SDK1: variants seen among roughly 807,000 people sequenced by gnomAD.
The protein encoded by SDK1 is protein sidekick-1.
SDK1 carries 157 observed loss-of-function variants against 245.5 expected under a neutral mutation model. The ratio of observed to expected loss-of-function variants is 0.64; its 90% CI spans 0.56 to 0.73. SDK1 has a LOEUF of 0.73. Ranked by LOEUF, SDK1 falls within the 30% of genes least tolerant of loss-of-function variation. The pLI is 0.00. For missense variants in SDK1, 3,583 were observed against 3,002.3 expected (o/e 1.19, Z -4.52); for synonymous variants, 1,647 against 1,278.5 (o/e 1.29, Z -6.15).
chr7:4,083,552 C>CCCTCCCTT (rs1410143876), intron 22 of SDK1, among the ~76,000 whole-genome samples: 2 of 116,670 alleles, frequency 1.7e-5, no homozygotes, highest in East Asian at 2.8e-4. Context: ...CTCCCTCCCT[C>CCCTCCCTT]CCTCCCTTCC....
intron 1 of SDK1, among the ~76,000 whole-genome samples, chr7:3,316,067 A>T (rs941733837): frequency 3.3e-5 from 5 of 152,186 alleles, no homozygotes; most frequent in African/African-American, 1.2e-4. Context: ...CAATTCATAC[A>T]TTCAAGTTAA....
At chr7:3,485,737 A>C (rs1272416710) in intron 1 of SDK1, among the ~76,000 whole-genome samples, 1 of 104,926 alleles carries the variant, frequency 9.5e-6, no homozygotes, top group Non-Finnish European at 1.8e-5. Context: ...CTCTCTGGTA[A>C]TTTTTAAACT....
At chr7:3,880,447 C>G (rs994188726) in intron 5 of SDK1, among the ~76,000 whole-genome samples, 1 of 151,376 alleles carries the variant, frequency 6.6e-6, no homozygotes, top group Admixed American at 6.6e-5. Flanking sequence ...GCCCGGCCCG[C>G]GGCGCCAACA....
intron 4 of SDK1, among the ~76,000 whole-genome samples, chr7:3,758,505 C>G (rs1045960420): frequency 6.6e-6 from 1 of 152,164 alleles, no homozygotes; most frequent in African/African-American, 2.4e-5. Context: ...TAATGCGAAA[C>G]TGTAATTATT....
At chr7:3,889,759 C>T (rs574335177) in intron 5 of SDK1, among the ~76,000 whole-genome samples, 56 of 152,282 alleles carry the variant, frequency 3.7e-4, no homozygotes, top group Middle Eastern at 3.4e-3. Flanking sequence ...CCACCCTCCT[C>T]GACCTCCCAA....
At chr7:4,162,300 C>G (rs928423930) in intron 32 of SDK1, among the ~76,000 whole-genome samples, 1 of 152,054 alleles carries the variant, frequency 6.6e-6, no homozygotes, top group Non-Finnish European at 1.5e-5. Flanking sequence ...GACAAAATAT[C>G]TACCGGATTG....
At position 4,267,333 on chromosome 7, in the gene SDK1, C is replaced by G. The variant is rs894960086; in HGVS notation, c.*1949C>G. The G allele has an allele frequency of 1.0e-6, 1 of 954,072 alleles. No individual in the cohort carries two copies. Among genetic ancestry groups the G allele is most frequent in the Non-Finnish European group, 1.2e-6 (1 of 802,090 alleles). 59.1% of individuals were successfully genotyped at this position (954,072 alleles called of 1,614,324 possible). ...TTCCCTCCCTCCCTTCCTCTCTCCC[C>G]TATTCCTTCTTCCTTTTCTCCTCCT... On this transcript the variant is annotated 3_prime_UTR_variant, in exon 45 of 45. Transcript: ENST00000404826.
rs1169811122 is a variant in SDK1 at position 3,949,811 on chromosome 7, C to T, written c.848-1112C>T. Among the ~76,000 whole-genome samples, 6 of 152,242 alleles carry T rather than the reference C, an allele frequency of 3.9e-5. No individual in the cohort carries two copies. The South Asian group carries it at 1.2e-3, about 32-fold the overall frequency. ...TATTTATAGTTTGATACTCAAAAAA[C>T]ATAGATTCAGGATATTTACTTTTCA... On this transcript the variant is annotated intron_variant, in intron 5 of 44. Coordinates refer to ENST00000404826, the MANE Select transcript of SDK1 (RefSeq NM_152744.4).
intron 5 of SDK1, among the ~76,000 whole-genome samples, chr7:3,894,482 C>G (rs1781545644): frequency 6.6e-6 from 1 of 151,988 alleles, no homozygotes; most frequent in Admixed American, 6.5e-5. Context: ...TAGAAAGCCT[C>G]TAGGCTTTGC....
chr7:3,622,533 G>C (rs1422638153), intron 2 of SDK1, among the ~76,000 whole-genome samples: 1 of 152,102 alleles, frequency 6.6e-6, no homozygotes, highest in South Asian at 2.1e-4. Flanking sequence ...AAATGCCAAA[G>C]TGTACAAAAA....
chr7:4,186,238 A>T (rs625537), intron 35 of SDK1, among the ~76,000 whole-genome samples: 3 of 152,056 alleles, frequency 2.0e-5, no homozygotes, highest in African/African-American at 7.2e-5. Context: ...GGGGCAGTCA[A>T]GTTCTACCCA....
intron 5 of SDK1, among the ~76,000 whole-genome samples, chr7:3,853,933 G>A (rs936721859): frequency 3.3e-5 from 5 of 152,038 alleles, no homozygotes; most frequent in African/African-American, 4.8e-5. Context: ...ATGTTGGAGT[G>A]AGCCGAGATT....
chr7:4,020,134 C>A (rs1786768422), intron 17 of SDK1, among the ~76,000 whole-genome samples: 1 of 152,044 alleles, frequency 6.6e-6, no homozygotes, highest in Non-Finnish European at 1.5e-5. Flanking sequence ...GGGCACCACC[C>A]ACCTGACCCT....
intron 1 of SDK1, among the ~76,000 whole-genome samples, chr7:3,454,388 T>TTGTGTATGTGTG (rs1554273967): frequency 2.8e-5 from 4 of 141,686 alleles, no homozygotes; most frequent in African/African-American, 1.1e-4. Flanking sequence ...TCCCCAAGAT[T>TTGTGTATGTGTG]TGTGTGTGTG....
chr7:4,178,833 C>T (rs1433519633), intron 35 of SDK1, among the ~76,000 whole-genome samples: 1 of 152,230 alleles, frequency 6.6e-6, no homozygotes, highest in Admixed American at 6.5e-5. Flanking sequence ...TGTTCGATAC[C>T]TGGGGCCATC....
At chr7:3,743,824 C>A (rs562683871) in intron 4 of SDK1, among the ~76,000 whole-genome samples, 1 of 152,128 alleles carries the variant, frequency 6.6e-6, no homozygotes, top group Admixed American at 6.5e-5. Flanking sequence ...TATGAAAGGG[C>A]GATGCCTGGA....
chr7:3,505,308 A>C (rs1383352328), intron 1 of SDK1, among the ~76,000 whole-genome samples: 1 of 152,170 alleles, frequency 6.6e-6, no homozygotes, highest in Admixed American at 6.6e-5. Flanking sequence ...GTGCAGTTGC[A>C]TGATGAGAGG....
At chr7:3,828,025 C>G (rs1026614357) in intron 5 of SDK1, among the ~76,000 whole-genome samples, 4 of 152,180 alleles carry the variant, frequency 2.6e-5, no homozygotes, top group Non-Finnish European at 5.9e-5. Flanking sequence ...CGCCTGTAAT[C>G]CCAGCACTTT....
In SDK1 at chr7:3,312,489, G is replaced by A. The variant is rs73288327; in HGVS notation, c.298+10605G>A. ...TGAAAGGGGTAAGATCATAATGAAAGAGCACAGATTAGAAAAATAACATGG... is the reference window on the plus strand; with the variant it reads ...TGAAAGGGGTAAGATCATAATGAAAAAGCACAGATTAGAAAAATAACATGG... On this transcript the variant is annotated intron_variant, in intron 1 of 44. Coordinates refer to ENST00000404826, the MANE Select transcript of SDK1 (RefSeq NM_152744.4). Among the ~76,000 whole-genome samples the A allele has an allele frequency of 5.9e-3, 898 of 152,072 alleles. 9 individuals carry two copies. The highest frequency in any genetic ancestry group is 0.021 in the African/African-American group (869 of 41,480).
Sources: allele counts gnomAD v4.1 joint callset (sites outside exome capture counted in the v4.1 genomes callset), GRCh38; gene constraint gnomAD v4.1.1; transcripts MANE v1.5; gene names NCBI Gene and HGNC (gene_info 2026-07-23, HGNC 2026-07-21).